The following MPP7 variants were observed in gnomAD, a reference collection of about 807,000 sequenced individuals.
MPP7 encodes MAGUK p55 subfamily member 7.
Under a neutral mutation model 76.5 loss-of-function variants are expected in MPP7, and 60 were observed. The observed-to-expected ratio is 0.78, with a 90% CI of 0.64 to 0.97. The LOEUF (loss-of-function observed/expected upper bound fraction) is 0.97, where lower values mean the gene tolerates loss of function less well. Ranked by LOEUF, MPP7 falls within the 50% of genes least tolerant of loss-of-function variation. The probability of loss-of-function intolerance (pLI) is 0.00; values close to 1 mark genes in which losing one functional copy is unlikely to be tolerated. For synonymous variants in MPP7, 237 were observed against 244.5 expected (o/e 0.97, Z 0.29); for missense variants, 641 against 694.0 (o/e 0.92, Z 0.86).
chr10:28,173,728 A>G (rs12251924), intron 3 of MPP7, among the ~76,000 whole-genome samples: 24,585 of 152,198 alleles, frequency 0.16, 2,307 homozygotes, highest in East Asian at 0.37. Flanking sequence ...TCATTTTCTC[A>G]ACACCTAGGA....
chr10:28,207,288 C>A (rs1255905590), intron 2 of MPP7, among the ~76,000 whole-genome samples: 1 of 151,234 alleles, frequency 6.6e-6, no homozygotes, highest in Non-Finnish European at 1.5e-5. Flanking sequence ...TATTTTATAA[C>A]TGAAAAAAAA....
chr10:28,227,213 A>T (rs1285750688), intron 2 of MPP7, among the ~76,000 whole-genome samples: 1 of 152,228 alleles, frequency 6.6e-6, no homozygotes, highest in African/African-American at 2.4e-5. Flanking sequence ...ATTACTCCCA[A>T]AAAGAAGGTT....
At chr10:28,177,066 A>T (rs540746216) in intron 3 of MPP7, among the ~76,000 whole-genome samples, 2 of 151,792 alleles carry the variant, frequency 1.3e-5, no homozygotes, top group East Asian at 3.9e-4. Context: ...AACAAGAATA[A>T]TTGCAGTGGA....
At chr10:28,173,929 T>C (rs192082175) in intron 3 of MPP7, among the ~76,000 whole-genome samples, 22 of 152,230 alleles carry the variant, frequency 1.4e-4, no homozygotes, top group African/African-American at 5.3e-4. Context: ...TGCCAACAGA[T>C]TTTTCTGCAA....
intron 2 of MPP7, among the ~76,000 whole-genome samples, chr10:28,222,912 T>G (rs1222113394): frequency 3.4e-5 from 5 of 145,924 alleles, no homozygotes; most frequent in Non-Finnish European, 7.4e-5. Context: ...CACATAAGCA[T>G]ACTGGGGATC....
At chr10:28,129,904 G>A (rs534679875) in intron 6 of MPP7, among the ~76,000 whole-genome samples, 11 of 152,246 alleles carry the variant, frequency 7.2e-5, no homozygotes, top group Non-Finnish European at 1.5e-4. Flanking sequence ...GAGGACAGCC[G>A]ATGCAAGTAA....
At chr10:28,061,551 T>A (rs1026557642) in intron 13 of MPP7, among the ~76,000 whole-genome samples, 10 of 151,912 alleles carry the variant, frequency 6.6e-5, no homozygotes, top group Admixed American at 6.6e-4. Flanking sequence ...CAGGGACCTA[T>A]GAGAAAACAC....
At chr10:28,063,707 T>A (rs1036824589) in intron 13 of MPP7, among the ~76,000 whole-genome samples, 4 of 152,116 alleles carry the variant, frequency 2.6e-5, no homozygotes, top group Non-Finnish European at 4.4e-5. Context: ...GTACTCCTTA[T>A]GAGAATCTAA....
At chr10:28,283,955 CCA>C (rs1482074170) in intron 1 of MPP7, among the ~76,000 whole-genome samples, 2 of 152,236 alleles carry the variant, frequency 1.3e-5, no homozygotes, top group East Asian at 3.9e-4. Context: ...ATTTAAATAC[CCA>C]GTTTCAGACC....
At chr10:28,310,404 C>G (rs1823879851) in intron 2 of MPP7, among the ~76,000 whole-genome samples, 1 of 152,154 alleles carries the variant, frequency 6.6e-6, no homozygotes, top group African/African-American at 2.4e-5. Flanking sequence ...GCTCCACTCT[C>G]CCATGTTCTG....
intron 5 of MPP7, among the ~76,000 whole-genome samples, chr10:28,138,920 G>A (rs1043203957): frequency 1.3e-5 from 2 of 152,184 alleles, no homozygotes; most frequent in Non-Finnish European, 2.9e-5. Context: ...CAATCACAGT[G>A]CTATGTGCTA....
upstream of MPP7, among the ~76,000 whole-genome samples, chr10:28,304,471 T>C (rs1440818928): frequency 2.6e-5 from 4 of 152,180 alleles, no homozygotes; most frequent in Non-Finnish European, 2.9e-5. Flanking sequence ...AAACACCTGA[T>C]AGAAAGAAGA....
At chr10:28,266,561 C>T (rs1433147336) in intron 1 of MPP7, among the ~76,000 whole-genome samples, 2 of 152,020 alleles carry the variant, frequency 1.3e-5, no homozygotes, top group Non-Finnish European at 2.9e-5. Context: ...CAGAGTGAGA[C>T]CCTGACTTTA....
chr10:28,089,702 A>G lies in MPP7; in HGVS notation c.1092T>C (p.Thr364=). Residue 364 remains threonine, a synonymous_variant, in exon 12 of 17, where the codon ACT becomes ACC. Transcript: ENST00000683449. ...AGACAACGAGTCTGTATTTTTCATT[A>G]GTTTGTCGCCGATACGGTGTCACTT... ...YEEVTPYRRQ[T]NEKYRLVVLV... 6.2e-7 allele frequency: 1 copy of G among 1,613,510 alleles called. No individual in the cohort carries two copies. The highest frequency in any genetic ancestry group is 1.1e-5 in the South Asian group (1 of 90,972).
At chr10:28,162,858 A>G (rs7090467) in intron 3 of MPP7, among the ~76,000 whole-genome samples, 1 of 145,012 alleles carries the variant, frequency 6.9e-6, no homozygotes, top group African/African-American at 2.6e-5. Context: ...TCTTTCTCTC[A>G]CTCTCTCTCT....
chr10:28,168,151 C>T (rs1289477681), intron 3 of MPP7, among the ~76,000 whole-genome samples: 1 of 152,024 alleles, frequency 6.6e-6, no homozygotes, highest in African/African-American at 2.4e-5. Context: ...GCTCAAATCG[C>T]TTGAACTCAG....
intron 13 of MPP7, among the ~76,000 whole-genome samples, 165 bp downstream of exon 13, chr10:28,069,607 A>C (rs1037910899): frequency 7.7e-6 from 1 of 130,340 alleles, no homozygotes; most frequent in Non-Finnish European, 1.5e-5. Context: ...CATCTCAAAA[A>C]AACAAAACAA....
At chr10:28,270,413 C>T (rs1413754116) in intron 1 of MPP7, among the ~76,000 whole-genome samples, 1 of 151,408 alleles carries the variant, frequency 6.6e-6, no homozygotes, top group Admixed American at 6.6e-5. Flanking sequence ...GAAGCCAGGG[C>T]AGTGGCACCC....
At chr10:28,171,607 G>A (rs1836683143) in intron 3 of MPP7, among the ~76,000 whole-genome samples, 3 of 152,150 alleles carry the variant, frequency 2.0e-5, no homozygotes, top group South Asian at 2.1e-4. Context: ...CCTCTTTCAC[G>A]GGTATGTTGA....
Sources: allele counts gnomAD v4.1 joint callset (sites outside exome capture counted in the v4.1 genomes callset), GRCh38; gene constraint gnomAD v4.1.1; transcripts MANE v1.5; gene names NCBI Gene and HGNC (gene_info 2026-07-23, HGNC 2026-07-21).